Variants in BLTP1 observed in about 807,000 individuals in gnomAD.
BLTP1 encodes the protein bridge-like lipid transfer protein family member 1.
chr4:122,253,839 C>G, the BLTP1 span, among the ~76,000 whole-genome samples: 1 of 152,030 alleles, frequency 6.6e-6, no homozygotes, highest in Non-Finnish European at 1.5e-5. Context: ...AAGACTACCT[C>G]AGGATATTTA....
the BLTP1 span, chr4:122,198,215 A>T: frequency 2.0e-6 from 2 of 976,444 alleles, no homozygotes; most frequent in African/African-American, 3.5e-5. Context: ...TCTTTTCCCC[A>T]TAACTCTGAG....
At chr4:122,305,753 A>G in the BLTP1 span, 1 of 1,358,500 alleles carries the variant, frequency 7.4e-7, no homozygotes, top group Non-Finnish European at 9.6e-7. Context: ...AATATACATT[A>G]ACAGCTGAAT....
the BLTP1 span, chr4:122,251,031 G>C: frequency 1.0e-6 from 1 of 985,198 alleles, no homozygotes; most frequent in Non-Finnish European, 1.2e-6. Flanking sequence ...TATTATGGTA[G>C]AATTACATGG....
chr4:122,274,627 G>A, the BLTP1 span: 6 of 980,766 alleles, frequency 6.1e-6, no homozygotes, highest in Non-Finnish European at 7.3e-6. Flanking sequence ...AAAATTGGTG[G>A]TATATACCTT....
At chr4:122,251,677 A>G in the BLTP1 span, 1 of 876,926 alleles carries the variant, frequency 1.1e-6, no homozygotes, top group African/African-American at 1.8e-5. Flanking sequence ...CTCAGATCCT[A>G]CTCTTCTTGC....
At chr4:122,280,077 TA>T in the BLTP1 span, 1 of 1,581,758 alleles carries the variant, frequency 6.3e-7, no homozygotes, top group South Asian at 1.2e-5. Context: ...GATGAAGGGT[TA>T]CTTCTAAGTA....
chr4:122,168,948 T>G, the BLTP1 span, among the ~76,000 whole-genome samples: 1 of 152,038 alleles, frequency 6.6e-6, no homozygotes, highest in East Asian at 1.9e-4. Context: ...CATTCAATTT[T>G]TATTTATTTA....
At chr4:122,333,846 A>G in the BLTP1 span, 153 of 1,570,960 alleles carry the variant, frequency 9.7e-5, no homozygotes, top group Non-Finnish European at 1.3e-4. Context: ...GGATTAGACT[A>G]TTGGTAGCAA....
chr4:122,272,950 A>G, the BLTP1 span, among the ~76,000 whole-genome samples: 1 of 152,080 alleles, frequency 6.6e-6, no homozygotes, highest in Non-Finnish European at 1.5e-5. Flanking sequence ...AGAAAATACC[A>G]TTGCCAGATA....
At chr4:122,197,574 G>C in the BLTP1 span, 1 of 401,008 alleles carries the variant, frequency 2.5e-6, no homozygotes, top group Non-Finnish European at 3.4e-6. Flanking sequence ...GTTGCACTTT[G>C]AGAGCAGGTG....
the BLTP1 span, among the ~76,000 whole-genome samples, chr4:122,252,219 T>G: frequency 2.6e-5 from 4 of 152,176 alleles, no homozygotes; most frequent in African/African-American, 9.7e-5. Context: ...ACCTAGCACG[T>G]TCCTAGCTGT....
chr4:122,285,977 A>T, the BLTP1 span, among the ~76,000 whole-genome samples: 2 of 152,240 alleles, frequency 1.3e-5, no homozygotes, highest in Non-Finnish European at 2.9e-5. Context: ...ACTAAAATTC[A>T]TAACATATCC....
At chr4:122,230,150 C>T in the BLTP1 span, 1 of 1,614,050 alleles carries the variant, frequency 6.2e-7, no homozygotes, top group Non-Finnish European at 8.5e-7. Flanking sequence ...AGCTGCTGAC[C>T]ATCATTCTAA....
chr4:122,194,612 A>G, the BLTP1 span: 6 of 979,588 alleles, frequency 6.1e-6, no homozygotes, highest in East Asian at 5.7e-4. Flanking sequence ...ACAGTTATGT[A>G]TTGTTTGCGA....
chr4:122,334,291 A>T, the BLTP1 span: 2 of 1,366,250 alleles, frequency 1.5e-6, no homozygotes, highest in South Asian at 1.3e-5. Flanking sequence ...ATATTTCTTG[A>T]TTTTCCTCAT....
chr4:122,162,758 AGAAG>A, the BLTP1 span: 2 of 603,260 alleles, frequency 3.3e-6, no homozygotes, highest in Non-Finnish European at 4.2e-6. Context: ...GGGAGTAATA[AGAAG>A]AAAAAGGATG....
chr4:122,230,163 A>G, the BLTP1 span: 2 of 1,614,182 alleles, frequency 1.2e-6, no homozygotes, highest in Non-Finnish European at 1.7e-6. Context: ...CATTCTAAAC[A>G]TGAGGCACAA....
chr4:122,200,806 A>T, the BLTP1 span: 1 of 800,052 alleles, frequency 1.2e-6, no homozygotes, highest in Admixed American at 6.2e-5. Flanking sequence ...CCACATCTTG[A>T]CTTAATATTT....
chr4:122,222,122 C>A, the BLTP1 span, among the ~76,000 whole-genome samples: 16 of 152,158 alleles, frequency 1.1e-4, no homozygotes, highest in African/African-American at 3.1e-4. Flanking sequence ...TGACAACTTA[C>A]CCCGAAGACA....
Sources: allele counts gnomAD v4.1 joint callset (sites outside exome capture counted in the v4.1 genomes callset), GRCh38; gene constraint gnomAD v4.1.1; transcripts MANE v1.5; gene names NCBI Gene and HGNC (gene_info 2026-07-23, HGNC 2026-07-21).